Variants in BBS9 observed in about 807,000 individuals in gnomAD.
The protein encoded by BBS9 is protein PTHB1.
In BBS9, 89 loss-of-function variants were observed where a neutral mutation model predicts 117.7. The observed-to-expected ratio is 0.76, with a 90% confidence interval of 0.64 to 0.90. BBS9 has a LOEUF of 0.90. Ranked by LOEUF, BBS9 falls within the 40% of genes least tolerant of loss-of-function variation. The probability of loss-of-function intolerance (pLI) is 0.00; values close to 1 mark genes in which losing one functional copy is unlikely to be tolerated. For synonymous variants in BBS9, 379 were observed against 370.9 expected (o/e 1.02, Z -0.25); for missense variants, 982 against 1,042.2 (o/e 0.94, Z 0.80).
chr7:33,536,188 G>C (rs995718856), intron 21 of BBS9, among the ~76,000 whole-genome samples: 2 of 152,102 alleles, frequency 1.3e-5, no homozygotes, highest in Non-Finnish European at 2.9e-5. Context: ...GGCTGAGTTC[G>C]TTCTGTTGGA....
chr7:33,474,986 C>T (rs767685844), intron 19 of BBS9, among the ~76,000 whole-genome samples: 7 of 152,184 alleles, frequency 4.6e-5, no homozygotes, highest in Non-Finnish European at 1.5e-5. Context: ...GTCCCATCTT[C>T]ATGTCCAGCA....
At chr7:33,191,212 A>G (rs1352674665) in intron 5 of BBS9, among the ~76,000 whole-genome samples, 2 of 152,288 alleles carry the variant, frequency 1.3e-5, no homozygotes, top group East Asian at 3.9e-4. Context: ...ACCTGTAGCT[A>G]GTGGATGTTG....
chr7:33,629,375 G>T (rs1865785210), intron 21 of BBS9, among the ~76,000 whole-genome samples: 1 of 151,992 alleles, frequency 6.6e-6, no homozygotes, highest in Non-Finnish European at 1.5e-5. Context: ...TGTTTCCTTT[G>T]TTTTTTGTTT....
chr7:33,424,014 T>G (rs892682079), intron 19 of BBS9, among the ~76,000 whole-genome samples: 2 of 152,202 alleles, frequency 1.3e-5, no homozygotes, highest in African/African-American at 4.8e-5. Flanking sequence ...CTCAGTGGCA[T>G]TTTTTTGCTC....
chr7:33,416,957 A>G (rs902832302), intron 19 of BBS9, among the ~76,000 whole-genome samples: 3 of 152,182 alleles, frequency 2.0e-5, no homozygotes, highest in East Asian at 1.9e-4. Context: ...ACACTTGCTC[A>G]ATAGATATTT....
At chr7:33,606,610 G>A (rs373730758), downstream of BBS9, among the ~76,000 whole-genome samples, 6 of 152,254 alleles carry the variant, frequency 3.9e-5, no homozygotes, top group South Asian at 1.2e-3. Context: ...GGAGCAGAGA[G>A]GGTCTCTATT....
intron 17 of BBS9, among the ~76,000 whole-genome samples, chr7:33,374,602 A>G (rs1457936825): frequency 6.6e-6 from 1 of 152,194 alleles, no homozygotes; most frequent in Non-Finnish European, 1.5e-5. Flanking sequence ...TATATTTAAA[A>G]TGTTAAACCT....
intron 4 of BBS9, among the ~76,000 whole-genome samples, chr7:33,174,694 C>G (rs1221838161): frequency 6.6e-6 from 1 of 152,218 alleles, no homozygotes; most frequent in Non-Finnish European, 1.5e-5. Flanking sequence ...TTAGGCTGAA[C>G]TTAAAATATG....
At chr7:33,346,242 A>G (rs1336400020) in intron 12 of BBS9, 2 of 470,166 alleles carry the variant, frequency 4.3e-6, no homozygotes, top group East Asian at 1.4e-4. Flanking sequence ...AAGATATACA[A>G]CCATGCAAGT....
chr7:33,474,804 G>T (rs1413089920), intron 19 of BBS9, among the ~76,000 whole-genome samples: 1 of 152,130 alleles, frequency 6.6e-6, no homozygotes, highest in East Asian at 1.9e-4. Context: ...AAATTAGCTG[G>T]GTGTGGTGGC....
At chr7:33,386,654 C>T (rs897600574) in intron 18 of BBS9, among the ~76,000 whole-genome samples, 3 of 151,814 alleles carry the variant, frequency 2.0e-5, no homozygotes, top group Non-Finnish European at 4.4e-5. Flanking sequence ...CCACGCCCAG[C>T]TAATTTTTTG....
chr7:33,319,077 C>G (rs1009324652), intron 9 of BBS9, among the ~76,000 whole-genome samples: 2 of 151,668 alleles, frequency 1.3e-5, no homozygotes, highest in African/African-American at 4.8e-5. Flanking sequence ...GCAGGAGAAT[C>G]GCTTGAACCT....
chr7:33,325,157 T>C (rs1318979119), intron 9 of BBS9, among the ~76,000 whole-genome samples: 1 of 152,218 alleles, frequency 6.6e-6, no homozygotes, highest in Non-Finnish European at 1.5e-5. Context: ...AGGTATGCTT[T>C]ATTGTTTTTA....
intron 7 of BBS9, among the ~76,000 whole-genome samples, chr7:33,271,006 C>T (rs571107789): frequency 1.8e-4 from 28 of 152,276 alleles, no homozygotes; most frequent in Non-Finnish European, 2.6e-4. Flanking sequence ...AGGCTAATAG[C>T]GGACCTTTCG....
At chr7:33,568,315 G>A (rs1274999034) in intron 21 of BBS9, among the ~76,000 whole-genome samples, 1 of 152,052 alleles carries the variant, frequency 6.6e-6, no homozygotes, top group Admixed American at 6.6e-5. Context: ...TAATTTCTCA[G>A]CATGCATGAT....
At chr7:33,153,833 ATATC>A (rs1305694419) in intron 3 of BBS9, among the ~76,000 whole-genome samples, 2 of 152,204 alleles carry the variant, frequency 1.3e-5, no homozygotes, top group Non-Finnish European at 2.9e-5. Flanking sequence ...TGGTTGGTAA[ATATC>A]TACTCCATCT....
rs1400092534 is a variant in BBS9 at position 33,344,616 on chromosome 7, C to T, written c.1311C>T (p.Val437=). The T allele has an allele frequency of 1.2e-6, 2 of 1,613,990 alleles. No individual in the cohort carries two copies. Among genetic ancestry groups the T allele is most frequent in the South Asian group, 1.1e-5 (1 of 91,080 alleles). The change falls in exon 12 of 23, where the codon GTC becomes GTT. Residue 437 remains valine (V), a synonymous_variant. Transcript: ENST00000242067. ...ATDVEVGTDL[V]PSVTVKVTLQ... ...ATGTTGAGGTGGGAACTGACCTTGT[C>T]CCTTCTGTCACGGTGAAGGTATTGT...
At chr7:33,388,462 T>C (rs1781265046) in intron 19 of BBS9, among the ~76,000 whole-genome samples, 1 of 152,188 alleles carries the variant, frequency 6.6e-6, no homozygotes, top group African/African-American at 2.4e-5. Flanking sequence ...GCTTGATAAA[T>C]AGTAGCTATT....
intron 5 of BBS9, among the ~76,000 whole-genome samples, chr7:33,224,448 T>C (rs1321787219): frequency 6.6e-6 from 1 of 152,230 alleles, no homozygotes; most frequent in Non-Finnish European, 1.5e-5. Context: ...TTTCAGGCTT[T>C]TAAAAGCATT....
Sources: gnomAD v4.1 joint callset for allele counts (sites outside exome capture counted in the v4.1 genomes callset) on GRCh38, gnomAD v4.1.1 for gene constraint, MANE v1.5 for transcripts, NCBI Gene and HGNC (gene_info 2026-07-23, HGNC 2026-07-21) for gene names.